PCDHA1: variants seen among roughly 807,000 people sequenced by gnomAD.
PCDHA1 encodes protocadherin alpha 1.
PCDHA1 carries 42 observed loss-of-function variants against 61.3 expected under a neutral mutation model. The observed-to-expected ratio is 0.69, with a 90% confidence interval of 0.54 to 0.89. The LOEUF (loss-of-function observed/expected upper bound fraction) is 0.89, where lower values mean the gene tolerates loss of function less well. Among genes scored for constraint, PCDHA1 ranks in the 40% least tolerant of loss-of-function variants. PCDHA1 has a pLI of 0.00. For missense variants in PCDHA1, 1,256 were observed against 1,235.3 expected, an observed-to-expected ratio of 1.02 and a Z score of -0.25; for synonymous variants, 610 against 553.8, an observed-to-expected ratio of 1.10 and a Z score of -1.43.
intron 1 of PCDHA1, chr5:140,927,199 G>A: frequency 4.3e-6 from 7 of 1,614,128 alleles, no homozygotes; most frequent in Non-Finnish European, 5.9e-6. Context: ...GGTGCTCGAG[G>A]ACCCGCTGGA....
At chr5:140,966,825 T>C in intron 1 of PCDHA1, 3 of 1,560,026 alleles carry the variant, frequency 1.9e-6, no homozygotes, top group Non-Finnish European at 2.6e-6. Flanking sequence ...CGGCGGCCCA[T>C]GCCCTGGCTG....
intron 1 of PCDHA1, chr5:140,867,234 G>T (rs782656807): frequency 2.0e-5 from 3 of 152,032 alleles, no homozygotes; most frequent in African/African-American, 4.8e-5. Context: ...CCATAATAAG[G>T]TGATTGAGGA....
intron 1 of PCDHA1, chr5:140,795,821 C>T: frequency 6.2e-7 from 1 of 1,613,094 alleles, no homozygotes; most frequent in Non-Finnish European, 8.5e-7. Context: ...AGTGATGTGT[C>T]CTCCACTATA....
Position 140,838,372 on chromosome 5 carries a change from C to T in PCDHA1, c.2394+49688C>T, listed in dbSNP as rs2150288337. ...ATCTGGGACTCAAGTGATCTGACTG[C>T]CTCAGCCTCCCAATGTGCTGGGATT... On this transcript the variant is annotated intron_variant, in intron 1 of 3. Transcript: ENST00000504120. Among the ~76,000 whole-genome samples the T allele has an allele frequency of 3.3e-5, 5 of 151,128 alleles. No homozygotes were observed. In the South Asian group the frequency reaches 1.0e-3, roughly 32 times the overall value.
At chr5:140,982,097 C>A (rs1313290841) in intron 2 of PCDHA1, among the ~76,000 whole-genome samples, 1 of 152,194 alleles carries the variant, frequency 6.6e-6, no homozygotes, top group Non-Finnish European at 1.5e-5. Flanking sequence ...AACAAGAGAA[C>A]CTGCAAGAGA....
intron 1 of PCDHA1, chr5:140,868,258 G>T (rs2153230939): frequency 6.6e-6 from 1 of 151,964 alleles, no homozygotes; most frequent in East Asian, 1.9e-4. Context: ...TTCCTTTGTG[G>T]ATTCTTTTTT....
chr5:140,985,283 A>G (rs955144760), intron 3 of PCDHA1, among the ~76,000 whole-genome samples: 6 of 152,020 alleles, frequency 3.9e-5, no homozygotes, highest in Admixed American at 1.3e-4. Context: ...TCTGCAATCT[A>G]TGATATAGTG....
intron 1 of PCDHA1, chr5:140,823,962 C>T (rs781985847): frequency 6.8e-6 from 11 of 1,614,026 alleles, no homozygotes; most frequent in Non-Finnish European, 9.3e-6. Context: ...CCACCGAGGC[C>T]GTGTGCACAC....
intron 1 of PCDHA1, chr5:140,859,840 A>G (rs989673306): frequency 6.6e-6 from 1 of 152,134 alleles, no homozygotes; most frequent in South Asian, 2.1e-4. Flanking sequence ...TTGTTATTTT[A>G]TCAAATAGGT....
intron 1 of PCDHA1, among the ~76,000 whole-genome samples, chr5:140,879,016 G>A (rs2057813975): frequency 6.6e-6 from 1 of 152,188 alleles, no homozygotes; most frequent in African/African-American, 2.4e-5. Context: ...ATCAGATAAT[G>A]TTTTATTGAA....
chr5:140,941,191 TTTTCTTTCTTCCTTTCTTTCTTCC>T (rs1293685535), intron 1 of PCDHA1, among the ~76,000 whole-genome samples: 31 of 93,206 alleles, frequency 3.3e-4, no homozygotes, highest in African/African-American at 1.1e-3. Context: ...GCTTCTTTTT[TTTTCTTTCTTCCTTTCTTTCTTCC>T]TTTCTTTCTT....
chr5:140,837,972 C>A (rs929090739), intron 1 of PCDHA1, among the ~76,000 whole-genome samples: 3 of 151,768 alleles, frequency 2.0e-5, no homozygotes, highest in Admixed American at 2.0e-4. Flanking sequence ...AACAACCACA[C>A]CCAGCCTGCC....
rs1367500775 is a variant in PCDHA1, at chr5:140,929,192, A to G, written c.2395-49757A>G. ...TCTCTGGGACTTGGTTCTGATAATA[A>G]CAGTTTGCTGTTGCGTGGGGAGTAC... On this transcript the variant is annotated intron_variant, in intron 1 of 3. Transcript: ENST00000504120. The G allele has an allele frequency of 8.1e-6, 13 of 1,614,124 alleles. 1 individual carries two copies. The highest frequency in any genetic ancestry group is 1.0e-5 in the Non-Finnish European group (12 of 1,180,018).
intron 1 of PCDHA1, chr5:140,827,904 G>T: frequency 2.5e-6 from 2 of 786,506 alleles, no homozygotes; most frequent in East Asian, 2.5e-5. Context: ...TTTTGGAGCC[G>T]CATGATGTCG....
intron 1 of PCDHA1, among the ~76,000 whole-genome samples, chr5:140,833,243 A>G (rs1356488600): frequency 6.6e-6 from 1 of 152,204 alleles, no homozygotes; most frequent in Non-Finnish European, 1.5e-5. Context: ...AGCTACTGCA[A>G]TACACCAGGA....
At chr5:140,816,324 G>A (rs2126670653) in intron 1 of PCDHA1, 52 of 152,128 alleles carry the variant, frequency 3.4e-4, no homozygotes, top group African/African-American at 1.3e-3. Flanking sequence ...TTCAATTATT[G>A]TATTCTTCAG....
chr5:140,899,534 T>A (rs2067388979), intron 1 of PCDHA1, among the ~76,000 whole-genome samples: 1 of 152,234 alleles, frequency 6.6e-6, no homozygotes, highest in Non-Finnish European at 1.5e-5. Context: ...TGAAGCCCAC[T>A]TGATCATGGT....
intron 2 of PCDHA1, chr5:140,982,259 G>A (rs2153828072): frequency 2.4e-6 from 2 of 820,856 alleles, no homozygotes; most frequent in South Asian, 4.9e-5. Context: ...GAACATGTGT[G>A]TTCCTGGAAT....
chr5:140,967,515 C>G, intron 1 of PCDHA1: 1 of 1,612,792 alleles, frequency 6.2e-7, no homozygotes, highest in Non-Finnish European at 8.5e-7. Flanking sequence ...GTCCTGGACA[C>G]TAACGACAAC....
Sources: allele counts gnomAD v4.1 joint callset (sites outside exome capture counted in the v4.1 genomes callset), GRCh38; gene constraint gnomAD v4.1.1; transcripts MANE v1.5; gene names NCBI Gene and HGNC (gene_info 2026-07-23, HGNC 2026-07-21).